The following AP1G1 variants were observed in gnomAD, a reference collection of about 807,000 sequenced individuals.
AP1G1 encodes adaptor related protein complex 1 subunit gamma 1.
Under a neutral mutation model 108.3 loss-of-function variants are expected in AP1G1, and 7 were observed. That is an observed-to-expected ratio of 0.06 (90% CI 0.04 to 0.12). The LOEUF is 0.12. AP1G1 is among the 10% of genes least tolerant of loss of function. The probability of loss-of-function intolerance (pLI) is 1.00; values close to 1 mark genes in which losing one functional copy is unlikely to be tolerated. For missense variants in AP1G1, 756 were observed against 1,010.7 expected (o/e 0.75, Z 3.42); for synonymous variants, 379 against 353.5 (o/e 1.07, Z -0.81).
chr16:71,753,922 AG>A (rs1446010573), intron 12 of AP1G1, 35 bp from the exon 13 acceptor site: 1 of 1,593,250 alleles, frequency 6.3e-7, no homozygotes, highest in East Asian at 2.2e-5. Flanking sequence ...ACTTGGAACC[AG>A]TAAAATATAC....
intron 1 of AP1G1, among the ~76,000 whole-genome samples, chr16:71,791,225 C>CA (rs397941817): frequency 0.074 from 8,189 of 111,002 alleles, 446 homozygotes; most frequent in African/African-American, 0.18. Flanking sequence ...CTCAAAAAAA[C>CA]AAAAAAAAAA....
chr16:71,780,483 C>T (rs1329782869), intron 2 of AP1G1, among the ~76,000 whole-genome samples: 1 of 141,248 alleles, frequency 7.1e-6, no homozygotes, highest in Non-Finnish European at 1.5e-5. Context: ...AGAGTAAGAT[C>T]CTGTCTCTTA....
intron 2 of AP1G1, among the ~76,000 whole-genome samples, chr16:71,775,798 A>G (rs151337804): frequency 1.6e-4 from 25 of 152,360 alleles, no homozygotes; most frequent in African/African-American, 6.0e-4. Context: ...CAAAAAACAG[A>G]GGAAAACTCA....
intron 3 of AP1G1, among the ~76,000 whole-genome samples, chr16:71,773,661 G>A (rs2031657140): frequency 6.6e-6 from 1 of 152,138 alleles, no homozygotes; most frequent in African/African-American, 2.4e-5. Flanking sequence ...AAACTTGGCA[G>A]CAGGGTAGGG....
At position 71,732,738 on chromosome 16, in the gene AP1G1, C is replaced by A. The variant is rs2045486551; in HGVS notation, c.*320G>T. On this transcript the variant is annotated 3_prime_UTR_variant, in exon 23 of 23. Transcript: ENST00000299980. The stretch of plus-strand genomic sequence containing the variant: ...ATGGATTGCAGTCCTCTCCTCCAGA[C>A]CAGCTGCTTATTTCCTCAGGGGCCC... 1 of 247,048 alleles carries A rather than the reference C, an allele frequency of 4.0e-6. No homozygotes were observed. Among genetic ancestry groups the A allele is most frequent in the Non-Finnish European group, 7.8e-6 (1 of 127,892 alleles). 15.3% of individuals were successfully genotyped at this position (247,048 alleles called of 1,614,324 possible). A position where few individuals can be genotyped will look rare whatever the true frequency, so the allele number is the denominator to read the frequency against.
At chr16:71,793,226 T>A (rs1429208336) in intron 1 of AP1G1, among the ~76,000 whole-genome samples, 5 of 152,222 alleles carry the variant, frequency 3.3e-5, no homozygotes, top group Non-Finnish European at 5.9e-5. Context: ...AACCTTTTTT[T>A]AAAAAGTCCG....
chr16:71,798,471 T>A (rs942042126), intron 1 of AP1G1, among the ~76,000 whole-genome samples: 3 of 151,174 alleles, frequency 2.0e-5, no homozygotes, highest in Non-Finnish European at 4.4e-5. Context: ...AGTGCTGGGA[T>A]TACAGGCATG....
chr16:71,805,863 A>T (rs2032980872), intron 1 of AP1G1, among the ~76,000 whole-genome samples: 1 of 152,066 alleles, frequency 6.6e-6, no homozygotes, highest in Admixed American at 6.6e-5. Flanking sequence ...TATACAAAAA[A>T]TACAAAAATT....
chr16:71,758,311 G>C lies in AP1G1; in HGVS notation c.1088+497C>G, dbSNP rs1202830249. On this transcript the variant is annotated intron_variant, in intron 11 of 22. Transcript: ENST00000299980. ...GGGAAGAGATTTATGCTTTTTGAGA[G>C]TGCTACCTGCTGCCTAACAGTCATT... 3.4e-5 allele frequency: 15 copies of C among 434,874 alleles called. No individual in the cohort carries two copies. In the Admixed American group the frequency reaches 3.7e-4, roughly 11 times the overall value. The allele number at this position is 434,874 out of a possible 1,614,324, so 26.9% of individuals were successfully genotyped here. A position where few individuals can be genotyped will look rare whatever the true frequency, so the allele number is the denominator to read the frequency against.
intron 1 of AP1G1, among the ~76,000 whole-genome samples, chr16:71,807,536 TC>T: frequency 6.6e-6 from 1 of 152,338 alleles, no homozygotes; most frequent in Non-Finnish European, 1.5e-5. Flanking sequence ...CTTAGAGGGT[TC>T]ATATTTTTCA....
intron 2 of AP1G1, among the ~76,000 whole-genome samples, chr16:71,780,421 T>C (rs1413094875): frequency 6.6e-6 from 1 of 151,478 alleles, no homozygotes; most frequent in Non-Finnish European, 1.5e-5. Flanking sequence ...GAGCCTCCTG[T>C]TGAAGGCTGC....
intron 6 of AP1G1, 156 bp downstream of exon 6, chr16:71,769,467 A>T: frequency 2.9e-6 from 2 of 691,034 alleles, no homozygotes; most frequent in Non-Finnish European, 5.2e-6. Context: ...TATATGCCTA[A>T]ATCTGGCTTC....
At chr16:71,754,008 G>A (rs903099332) in intron 12 of AP1G1, 121 bp from the exon 13 acceptor site, 5 of 890,786 alleles carry the variant, frequency 5.6e-6, no homozygotes, top group Admixed American at 2.0e-5. Flanking sequence ...GGGAGGCCGA[G>A]GTGGGAGATC....
At chr16:71,743,996 G>A (rs1175057835) in intron 19 of AP1G1, among the ~76,000 whole-genome samples, 1 of 149,410 alleles carries the variant, frequency 6.7e-6, no homozygotes, top group Non-Finnish European at 1.5e-5. Context: ...TGTAATCCCA[G>A]CACTTTGGGA....
rs2045462932 is a variant in AP1G1, at chr16:71,730,017, C to G, written c.*3041G>C. On this transcript the variant is annotated 3_prime_UTR_variant, in exon 23 of 23. Coordinates refer to ENST00000299980, the MANE Select transcript of AP1G1 (RefSeq NM_001128.6). ...ATTAGTGTTGGACAGTTTTAAAAGTCTATTTTCATATATGAATGGGACAAA... is the reference window on the plus strand; with the variant it reads ...ATTAGTGTTGGACAGTTTTAAAAGTGTATTTTCATATATGAATGGGACAAA... 1 of 152,412 alleles carries G rather than the reference C, an allele frequency of 6.6e-6. No individual in the cohort carries two copies. Among genetic ancestry groups the G allele is most frequent in the African/African-American group, 2.4e-5 (1 of 41,434 alleles). The allele number at this position is 152,412 out of a possible 1,614,324, so 9.4% of individuals were successfully genotyped here. A position where few individuals can be genotyped will look rare whatever the true frequency, so the allele number is the denominator to read the frequency against.
intron 12 of AP1G1, among the ~76,000 whole-genome samples, chr16:71,754,257 GAAAAGAAA>G (rs1234248663): frequency 7.0e-6 from 1 of 141,998 alleles, no homozygotes; most frequent in Non-Finnish European, 1.5e-5. Flanking sequence ...AGAGAAGAAA[GAAAAGAAA>G]GAAGGAAAGA....
chr16:71,757,017 T>C (rs2030826913), intron 11 of AP1G1, among the ~76,000 whole-genome samples: 1 of 149,554 alleles, frequency 6.7e-6, no homozygotes, highest in Non-Finnish European at 1.5e-5. Context: ...CAAATAAGAG[T>C]TTCTATAACT....
intron 1 of AP1G1, chr16:71,808,248 G>A: frequency 9.4e-7 from 1 of 1,061,788 alleles, no homozygotes; most frequent in South Asian, 2.1e-5. Context: ...GAAGTTGGTC[G>A]GAAGGTTAGA....
At chr16:71,734,801 A>G in intron 21 of AP1G1, 94 bp from the exon 22 acceptor site, 1 of 977,966 alleles carries the variant, frequency 1.0e-6, no homozygotes, top group Non-Finnish European at 1.6e-6. Flanking sequence ...ATGATGGGTC[A>G]AGCAACAGAT....
Sources: allele counts gnomAD v4.1 joint callset (sites outside exome capture counted in the v4.1 genomes callset), GRCh38; gene constraint gnomAD v4.1.1; transcripts MANE v1.5; gene names NCBI Gene and HGNC (gene_info 2026-07-23, HGNC 2026-07-21).